PRKG1: variants seen among roughly 807,000 people sequenced by gnomAD.
PRKG1 encodes cGMP-dependent protein kinase 1.
A neutral mutation model predicts 88.1 loss-of-function variants in PRKG1; 35 were observed. That is an observed-to-expected ratio of 0.40 (90% CI 0.30 to 0.53). PRKG1 has a LOEUF of 0.53. PRKG1 is among the 20% of genes least tolerant of loss of function. The pLI, the probability that PRKG1 is intolerant of heterozygous loss-of-function variation, is 0.59. For synonymous variants in PRKG1, 303 were observed against 292.5 expected (o/e 1.04, Z -0.37); for missense variants, 540 against 839.8 (o/e 0.64, Z 4.41).
intron 3 of PRKG1, among the ~76,000 whole-genome samples, chr10:51,657,724 GTGAAGAAATTTTTAGCCA>G (rs1840196799): frequency 6.6e-6 from 1 of 152,148 alleles, no homozygotes; most frequent in Non-Finnish European, 1.5e-5. Flanking sequence ...GAGGTGGTTT[GTGAAGAAATTTTTAGCCA>G]TGAGTTTCCA....
intron 8 of PRKG1, among the ~76,000 whole-genome samples, chr10:52,135,110 CA>C (rs148205333): frequency 6.7e-6 from 1 of 150,250 alleles, no homozygotes; most frequent in Non-Finnish European, 1.5e-5. Context: ...TGATACAAGG[CA>C]AAAAAAATGA....
At chr10:51,017,386 A>G (rs1843081082) in intron 1 of PRKG1, among the ~76,000 whole-genome samples, 2 of 152,294 alleles carry the variant, frequency 1.3e-5, no homozygotes, top group South Asian at 4.1e-4. Flanking sequence ...CTCCCCTTTT[A>G]GTGTACCTGC....
At chr10:52,101,463 T>C (rs1158214902) in intron 7 of PRKG1, among the ~76,000 whole-genome samples, 2 of 152,218 alleles carry the variant, frequency 1.3e-5, no homozygotes, top group African/African-American at 2.4e-5. Flanking sequence ...AGGGATTTTC[T>C]TGAAATCTTA....
intron 10 of PRKG1, among the ~76,000 whole-genome samples, chr10:52,262,097 AC>A (rs1841445886): frequency 6.6e-6 from 1 of 152,238 alleles, no homozygotes; most frequent in East Asian, 1.9e-4. Context: ...GGGACTACTA[AC>A]TTAAAAACAG....
intron 1 of PRKG1, among the ~76,000 whole-genome samples, chr10:51,077,867 G>A (rs1447624022): frequency 6.6e-6 from 1 of 152,172 alleles, no homozygotes; most frequent in Non-Finnish European, 1.5e-5. Context: ...GAAATAAACT[G>A]AGCAAATAAA....
intron 2 of PRKG1, among the ~76,000 whole-genome samples, chr10:51,434,090 C>G (rs1048042602): frequency 6.6e-6 from 1 of 152,136 alleles, no homozygotes; most frequent in African/African-American, 2.4e-5. Context: ...TTGCAACTGT[C>G]ATTCAGAGCA....
chr10:52,227,416 TTTTC>T (rs1294649209), intron 9 of PRKG1, among the ~76,000 whole-genome samples: 2 of 152,304 alleles, frequency 1.3e-5, no homozygotes, highest in East Asian at 1.9e-4. Context: ...ATGTACATAC[TTTTC>T]TTTCTATTAT....
chr10:51,366,692 A>G (rs886643597), intron 2 of PRKG1, among the ~76,000 whole-genome samples: 1 of 151,926 alleles, frequency 6.6e-6, no homozygotes, highest in Non-Finnish European at 1.5e-5. Flanking sequence ...TATTTGTGTT[A>G]TACATCCATA....
At chr10:51,940,548 G>T (rs1842885169) in intron 5 of PRKG1, among the ~76,000 whole-genome samples, 1 of 151,748 alleles carries the variant, frequency 6.6e-6, no homozygotes, top group African/African-American at 2.4e-5. Context: ...AAAGTTCAAG[G>T]AAAAATGGGC....
At chr10:51,804,518 A>T in intron 3 of PRKG1, 67 bp from the exon 4 acceptor site, 1 of 1,072,392 alleles carries the variant, frequency 9.3e-7, no homozygotes, top group Non-Finnish European at 1.4e-6. Context: ...CCTTTGCAGG[A>T]TGTTGTTCAC....
Position 51,305,481 on chromosome 10 carries a change from G to A in PRKG1, c.478+152151G>A, listed in dbSNP as rs151214402. Among the ~76,000 whole-genome samples, 55 of 152,262 alleles carry A rather than the reference G, an allele frequency of 3.6e-4. No homozygotes were observed. The East Asian group carries it at 9.5e-3, about 26-fold the overall frequency. Reference sequence around the variant, plus strand: ...AAGAGACCACTTTACTGGAAAGGGTGCCTCTCTCCAAATAATAAGTAAATA... The same window carrying A: ...AAGAGACCACTTTACTGGAAAGGGTACCTCTCTCCAAATAATAAGTAAATA... On this transcript the variant is annotated intron_variant, in intron 2 of 17. Transcript: ENST00000373980.
Position 51,395,175 on chromosome 10 carries a change from A to G in PRKG1, c.479-72548A>G, listed in dbSNP as rs369397250. 3.9e-5 allele frequency among the ~76,000 whole-genome samples: 6 copies of G among 152,316 alleles called. No individual in the cohort carries two copies. The East Asian group carries it at 5.8e-4, about 15-fold the overall frequency. ...GACTAATTCCTCTTTTGGGTTTCTCACAGGCTACATGGCTTCTCACTGAGA... is the reference window on the plus strand; with the variant it reads ...GACTAATTCCTCTTTTGGGTTTCTCGCAGGCTACATGGCTTCTCACTGAGA... On this transcript the variant is annotated intron_variant, in intron 2 of 17. Coordinates refer to ENST00000373980, the MANE Select transcript of PRKG1 (RefSeq NM_006258.4).
At chr10:51,979,227 G>A (rs541417072) in intron 5 of PRKG1, among the ~76,000 whole-genome samples, 1 of 151,800 alleles carries the variant, frequency 6.6e-6, no homozygotes, top group African/African-American at 2.4e-5. Flanking sequence ...TGTAGTTTTT[G>A]TCTCTTGTTC....
chr10:51,856,486 C>A (rs1840682490), intron 4 of PRKG1, among the ~76,000 whole-genome samples: 1 of 152,182 alleles, frequency 6.6e-6, no homozygotes, highest in Non-Finnish European at 1.5e-5. Context: ...AGTTCAAATT[C>A]TTACTCCAGC....
intron 2 of PRKG1, among the ~76,000 whole-genome samples, chr10:51,453,949 A>G (rs565034834): frequency 5.2e-4 from 79 of 152,238 alleles, no homozygotes; most frequent in Middle Eastern, 3.4e-3. Flanking sequence ...CTATACACCA[A>G]CAGTGACCAA....
intron 3 of PRKG1, among the ~76,000 whole-genome samples, chr10:51,678,609 T>C (rs1163542406): frequency 6.6e-6 from 1 of 152,210 alleles, no homozygotes; most frequent in Non-Finnish European, 1.5e-5. Flanking sequence ...GTTATTAGAT[T>C]GCATTGTTGG....
At chr10:51,320,641 TGACA>T (rs1157932176) in intron 2 of PRKG1, 1 of 152,312 alleles carries the variant, frequency 6.6e-6, no homozygotes, top group Non-Finnish European at 1.5e-5. Context: ...TGGAAACACC[TGACA>T]GACAGTAACA....
At chr10:51,014,263 T>C (rs550266087) in intron 1 of PRKG1, among the ~76,000 whole-genome samples, 11 of 152,248 alleles carry the variant, frequency 7.2e-5, no homozygotes, top group African/African-American at 1.9e-4. Context: ...CTGATTCCCG[T>C]TGACAAAACA....
intron 3 of PRKG1, among the ~76,000 whole-genome samples, chr10:51,601,417 T>C (rs1838596025): frequency 6.6e-6 from 1 of 152,236 alleles, no homozygotes; most frequent in African/African-American, 2.4e-5. Context: ...TTATTCTTTC[T>C]ATGTGTGTTG....
Sources: allele counts gnomAD v4.1 joint callset (sites outside exome capture counted in the v4.1 genomes callset), GRCh38; gene constraint gnomAD v4.1.1; transcripts MANE v1.5; gene names NCBI Gene and HGNC (gene_info 2026-07-23, HGNC 2026-07-21).